Variants in PLOD1 observed in about 807,000 individuals in gnomAD.
The protein encoded by PLOD1 is lysine hydroxylase.
In PLOD1, 70 loss-of-function variants were observed where a neutral mutation model predicts 94.7. The ratio of observed to expected loss-of-function variants is 0.74; its 90% CI spans 0.61 to 0.90. PLOD1 has a LOEUF of 0.90. Among genes scored for constraint, PLOD1 ranks in the 40% least tolerant of loss-of-function variants. The pLI, the probability that PLOD1 is intolerant of heterozygous loss-of-function variation, is 0.00. For missense variants in PLOD1, 905 were observed against 972.7 expected (o/e 0.93, Z 0.93); for synonymous variants, 417 against 400.2 (o/e 1.04, Z -0.50).
chr1:11,948,099 T>G, intron 2 of PLOD1, 32 bp downstream of exon 2: 2 of 1,427,662 alleles, frequency 1.4e-6, no homozygotes, highest in Non-Finnish European at 2.0e-6. Context: ...GCAGAGACAG[T>G]GAGGGGTGGC....
chr1:11,970,929 G>A (rs1645858744), intron 17 of PLOD1, 113 bp downstream of exon 17: 1 of 829,902 alleles, frequency 1.2e-6, no homozygotes, highest in Non-Finnish European at 1.8e-6. Context: ...GAGGGGCCGA[G>A]GTGGAGTGAG....
Position 11,967,006 on chromosome 1 carries a change from G to T in PLOD1, c.1670G>T (p.Trp557Leu). 1 of 1,613,176 alleles carries T rather than the reference G, an allele frequency of 6.2e-7. No individual in the cohort carries two copies. The highest frequency in any genetic ancestry group is 8.5e-7 in the Non-Finnish European group (1 of 1,179,096). Residue 557 changes from tryptophan to leucine, a missense_variant, in exon 16 of 19, where the codon TGG becomes TTG. Trp to Leu is a moderately conservative substitution (Grantham distance 61). Transcript: ENST00000196061. ...LVETPCPDVY[W>L]FPIFTEVACD... ...CCCCAGCCCTGCCCGGATGTCTATT[G>T]GTTCCCCATCTTCACGGAGGTGGCC...
chr1:11,963,807 TTCCTCTTCC>T lies in PLOD1; in HGVS notation c.1202+185_1202+193del, dbSNP rs1645796236. On this transcript the variant is annotated intron_variant, in intron 11 of 18. Transcript: ENST00000196061. The surrounding 1 kb of genome is among the most constrained non-coding windows in gnomAD (Gnocchi z 4.3). ...CTTCCTCCTTGTCTTCCTCCTCCTCTTCCTCTTCCTCCTCTTCCTCCTTTTTCCTCCTCC... is the reference window on the plus strand; with the variant it reads ...CTTCCTCCTTGTCTTCCTCCTCCTCTTCCTCTTCCTCCTTTTTCCTCCTCC... Among the ~76,000 whole-genome samples the T allele has an allele frequency of 6.6e-6, 1 of 151,476 alleles. No homozygotes were observed. Among genetic ancestry groups the T allele is most frequent in the South Asian group, 2.1e-4 (1 of 4,784 alleles).
In PLOD1 at chr1:11,975,262, A is replaced by ATTCTGATT; in HGVS notation, c.*454_*455insTTCTGATT. On this transcript the variant is annotated 3_prime_UTR_variant, in exon 19 of 19. Transcript: ENST00000196061. Reference sequence around the variant, plus strand: ...TTCTGCTTCAAGTTTTGGGGTAAAGACACCTGGATCAGACTCCAAGGGCTG... The same window carrying ATTCTGATT: ...TTCTGCTTCAAGTTTTGGGGTAAAGATTCTGATTCACCTGGATCAGACTCCAAGGGCTG... 3.6e-6 allele frequency: 1 copy of ATTCTGATT among 275,166 alleles called. No individual in the cohort carries two copies. Among genetic ancestry groups the ATTCTGATT allele is most frequent in the Admixed American group, 4.8e-5 (1 of 20,996 alleles). The allele number at this position is 275,166 out of a possible 1,614,324, so 17.0% of individuals were successfully genotyped here.
chr1:11,936,091 A>G (rs1176164002), intron 1 of PLOD1, among the ~76,000 whole-genome samples: 1 of 152,000 alleles, frequency 6.6e-6, no homozygotes, highest in Non-Finnish European at 1.5e-5. Context: ...GGTCTCCCAA[A>G]GTGTTGGGAT....
intron 1 of PLOD1, among the ~76,000 whole-genome samples, chr1:11,936,175 G>C (rs1455877398): frequency 6.6e-6 from 1 of 152,054 alleles, no homozygotes; most frequent in Admixed American, 6.6e-5. Context: ...GACAGGTGAA[G>C]TGACTGTCCA....
At chr1:11,969,684 G>C (rs1645847116) in intron 16 of PLOD1, among the ~76,000 whole-genome samples, 1 of 152,150 alleles carries the variant, frequency 6.6e-6, no homozygotes, top group Non-Finnish European at 1.5e-5. Flanking sequence ...GTGTCAGCTG[G>C]GGTTGGGGTC....
chr1:11,968,511 CT>C (rs1394917721), intron 16 of PLOD1, among the ~76,000 whole-genome samples: 4 of 150,854 alleles, frequency 2.7e-5, no homozygotes. Flanking sequence ...CTCTGATTTT[CT>C]TTTTTCTTTT....
chr1:11,959,050 C>A (rs1248259735), intron 9 of PLOD1, among the ~76,000 whole-genome samples: 1 of 151,896 alleles, frequency 6.6e-6, no homozygotes, highest in African/African-American at 2.4e-5. Flanking sequence ...ACTAAAAATA[C>A]AAAATTAAGC....
Position 11,970,710 on chromosome 1 carries a change from T to C in PLOD1, c.1796T>C (p.Ile599Thr), listed in dbSNP as rs1279110789. 1.2e-6 allele frequency: 2 copies of C among 1,612,938 alleles called. No homozygotes were observed. Among genetic ancestry groups the C allele is most frequent in the Non-Finnish European group, 1.7e-6 (2 of 1,179,878 alleles). Residue 599 changes from isoleucine (I) to threonine (T), a missense_variant, in exon 17 of 19, where the codon ATT (isoleucine) becomes ACT (threonine). Physicochemically the swap from Ile to Thr is moderately conservative, Grantham distance 89. Transcript: ENST00000196061. ...GGTGGCTACGAGAACGTGCCGACTA[T>C]TGACATCCACATGAACCAGATCGGC... ...IQGGYENVPT[I>T]DIHMNQIGFE... is the part of the protein sequence containing the mutation.
chr1:11,954,376 C>G, intron 5 of PLOD1: 2 of 380,878 alleles, frequency 5.3e-6, no homozygotes, highest in South Asian at 3.9e-5. Context: ...GTCCCAGCTA[C>G]TCAGGAGTCT....
Position 11,974,777 on chromosome 1 carries a change from G to A in PLOD1, c.2153G>A (p.Arg718His), listed in dbSNP as rs187909486. 26 of 1,614,072 alleles carry A rather than the reference G, an allele frequency of 1.6e-5. No individual in the cohort carries two copies. Among genetic ancestry groups the A allele is most frequent in the South Asian group, 3.3e-5 (3 of 91,086 alleles). Reference sequence around the variant, plus strand: ...GGGCTCCCCACCACCAGGGGCACCCGCTACATCGCAGTCTCCTTCGTCGAT... The same window carrying A: ...GGGCTCCCCACCACCAGGGGCACCCACTACATCGCAGTCTCCTTCGTCGAT... The part of the protein sequence containing the change: ...HEGLPTTRGT[R>H]YIAVSFVDP The change falls in exon 19 of 19, where the codon CGC becomes CAC. Residue 718 changes from arginine to histidine, a missense_variant. Physicochemically the swap from Arg to His is conservative, Grantham distance 29. Coordinates refer to ENST00000196061, the MANE Select transcript of PLOD1 (RefSeq NM_000302.4).
At chr1:11,968,892 G>T (rs1411414532) in intron 16 of PLOD1, among the ~76,000 whole-genome samples, 3 of 147,598 alleles carry the variant, frequency 2.0e-5, no homozygotes, top group Admixed American at 2.0e-4. Context: ...CCCAGGCTGG[G>T]GTGCAGTGGT....
intron 1 of PLOD1, among the ~76,000 whole-genome samples, chr1:11,935,969 C>T (rs1188088771): frequency 6.6e-6 from 1 of 151,958 alleles, no homozygotes; most frequent in Non-Finnish European, 1.5e-5. Flanking sequence ...GGTGGGATCA[C>T]AGACATGTGC....
chr1:11,934,919 C>T, intron 1 of PLOD1, 64 bp downstream of exon 1: 2 of 1,507,086 alleles, frequency 1.3e-6, no homozygotes, highest in Non-Finnish European at 1.8e-6. Context: ...GTCGGGCTGC[C>T]TCCCTGGGAA....
intron 4 of PLOD1, among the ~76,000 whole-genome samples, chr1:11,951,541 A>G (rs2100745176): frequency 6.8e-6 from 1 of 147,566 alleles, no homozygotes; most frequent in South Asian, 2.1e-4. Flanking sequence ...ACTCAAAAAA[A>G]TAAATAATTT....
At chr1:11,947,415 T>G (rs929056206) in intron 1 of PLOD1, among the ~76,000 whole-genome samples, 2 of 150,800 alleles carry the variant, frequency 1.3e-5, no homozygotes, top group Non-Finnish European at 3.0e-5. Flanking sequence ...ACTAAAAACA[T>G]AAAAATTAGC....
intron 1 of PLOD1, among the ~76,000 whole-genome samples, chr1:11,936,371 G>A (rs910516975): frequency 1.3e-5 from 2 of 151,250 alleles, no homozygotes; most frequent in African/African-American, 4.8e-5. Flanking sequence ...CATAGACTGC[G>A]GACAGTCCCA....
rs1490906696 is a variant in PLOD1, at chr1:11,962,278, T to C, written c.1098-1254T>C. On this transcript the variant is annotated intron_variant, in intron 10 of 18. Transcript: ENST00000196061. Reference sequence around the variant, plus strand: ...TCTTCTTTTGATTTTTGTTTTCTTTTTTTTTTTTTTTTTTTTGAGATGGAG... The same window carrying C: ...TCTTCTTTTGATTTTTGTTTTCTTTCTTTTTTTTTTTTTTTTGAGATGGAG... 6.5e-3 allele frequency among the ~76,000 whole-genome samples: 842 copies of C among 130,452 alleles called. 11 individuals are homozygous for C. Among genetic ancestry groups the C allele is most frequent in the African/African-American group, 0.026 (796 of 30,080 alleles). 85.6% of individuals were successfully genotyped at this position (130,452 alleles called of 152,430 possible).
Sources: allele counts gnomAD v4.1 joint callset (sites outside exome capture counted in the v4.1 genomes callset), GRCh38; gene constraint gnomAD v4.1.1; non-coding constraint Gnocchi (gnomAD v3.1); transcripts MANE v1.5; gene names NCBI Gene and HGNC (gene_info 2026-07-23, HGNC 2026-07-21).